TDRD6: variants seen among roughly 807,000 people sequenced by gnomAD.
TDRD6 encodes the protein tudor domain containing 6, also known as tudor domain-containing protein 6.
TDRD6 carries 186 observed loss-of-function variants against 157.5 expected under a neutral mutation model. The ratio of observed to expected loss-of-function variants is 1.18; its 90% confidence interval spans 1.05 to 1.33. The LOEUF (loss-of-function observed/expected upper bound fraction) is 1.33. TDRD6 is among the 40% of genes most tolerant of loss of function. TDRD6 has a pLI of 0.00. For synonymous variants in TDRD6, 1,075 were observed against 945.2 expected (o/e 1.14, Z -2.52); for missense variants, 3,066 against 2,508.0 (o/e 1.22, Z -4.75).
Position 46,689,211 on chromosome 6 carries a change from C to G in TDRD6, c.1083C>G (p.Tyr361Ter), listed in dbSNP as rs746377372. The change falls in exon 1 of 4, where the codon TAC (tyrosine) becomes TAG (stop). Residue 361 changes from tyrosine to a stop codon, truncating the protein, a stop_gained. Coordinates refer to ENST00000316081, the MANE Select transcript of TDRD6 (RefSeq NM_001010870.3). LOFTEE classifies it high-confidence loss of function. Reference protein sequence around the residue: ...KELVSCSSLRYLLPEYFRMPV... With the variant: ...KELVSCSSLR ...TAGTGAGTTGCAGCAGCCTTCGGTA[C>G]TTGCTGCCTGAATATTTTCGAATGC... is the stretch of plus-strand genomic sequence containing the variant. The G allele has an allele frequency of 1.9e-6, 3 of 1,614,192 alleles. No homozygotes were observed. Among genetic ancestry groups the G allele is most frequent in the Non-Finnish European group, 2.5e-6 (3 of 1,180,036 alleles).
In TDRD6 at chr6:46,692,365, G is replaced by A. The variant is rs969339641; in HGVS notation, c.4237G>A (p.Gly1413Arg). Residue 1413 changes from glycine (G) to arginine (R), a missense_variant, in exon 1 of 4, where the codon GGG becomes AGG. Physicochemically the swap from Gly to Arg is moderately radical, Grantham distance 125. Coordinates refer to ENST00000316081, the MANE Select transcript of TDRD6 (RefSeq NM_001010870.3). Reference protein sequence around the residue: ...RLDLVNAILPGLCIHCSLQGF... With the variant: ...RLDLVNAILPRLCIHCSLQGF... Reference sequence around the variant, plus strand: ...TGACCTTGTTAATGCAATATTGCCGGGGTTGTGCATTCATTGCTCCTTGCA... The same window carrying A: ...TGACCTTGTTAATGCAATATTGCCGAGGTTGTGCATTCATTGCTCCTTGCA... 1.2e-6 allele frequency: 2 copies of A among 1,613,976 alleles called. No homozygotes were observed. The highest frequency in any genetic ancestry group is 2.7e-5 in the African/African-American group (2 of 74,882).
In TDRD6 at chr6:46,688,260, G is replaced by C; in HGVS notation, c.132G>C (p.Leu44=). 6.6e-7 allele frequency: 1 copy of C among 1,511,296 alleles called. No homozygotes were observed. Among genetic ancestry groups the C allele is most frequent in the Non-Finnish European group, 8.8e-7 (1 of 1,137,280 alleles). 93.6% of individuals were successfully genotyped at this position (1,511,296 alleles called of 1,614,324 possible). The change falls in exon 1 of 4, where the codon CTG becomes CTC. Residue 44 remains leucine (L), a synonymous_variant. Transcript: ENST00000316081. ...GLVGERRGEY[L]RLSREIQEAA... ...TGGGCGAGCGGCGGGGCGAGTACCTGCGGCTGAGCCGGGAAATCCAGGAAG... is the reference window on the plus strand; with the variant it reads ...TGGGCGAGCGGCGGGGCGAGTACCTCCGGCTGAGCCGGGAAATCCAGGAAG...
At chr6:46,696,602 T>TATA (rs1442275184) in intron 2 of TDRD6, among the ~76,000 whole-genome samples, 3 of 13,628 alleles carry the variant, frequency 2.2e-4, no homozygotes, top group African/African-American at 2.8e-4. Flanking sequence ...TATATATATA[T>TATA]TTTTTTTTTT....
Position 46,690,954 on chromosome 6 carries a change from C to G in TDRD6, c.2826C>G (p.Thr942=), listed in dbSNP as rs746551549. Residue 942 remains threonine (T), a synonymous_variant, in exon 1 of 4, where the codon ACC becomes ACG. Coordinates refer to ENST00000316081, the MANE Select transcript of TDRD6 (RefSeq NM_001010870.3). ...TGTTTAACATTGTGGATTTGCTAAC[C>G]CCCTTTCAGAGTGCATGCCATTTCT... is the stretch of plus-strand genomic sequence containing the variant. The part of the protein sequence containing the change: ...EELFNIVDLL[T]PFQSACHFLV... The G allele has an allele frequency of 9.3e-6, 15 of 1,613,960 alleles. No individual in the cohort carries two copies. The African/African-American group carries it at 1.6e-4, about 17-fold the overall frequency.
Position 46,688,638 on chromosome 6 carries a change from C to T in TDRD6, c.510C>T (p.Val170=). The T allele has an allele frequency of 6.3e-7, 1 of 1,599,256 alleles. No homozygotes were observed. Among genetic ancestry groups the T allele is most frequent in the South Asian group, 1.1e-5 (1 of 91,084 alleles). ...NLQGKEVHGC[V]LDVLLLHRLV... is the part of the protein sequence containing the mutation. ...AGGGCAAGGAGGTGCACGGGTGCGT[C>T]CTGGACGTGCTGCTGCTCCATCGCC... Residue 170 remains valine (V), a synonymous_variant, in exon 1 of 4, where the codon GTC becomes GTT. Transcript: ENST00000316081.
rs747359606 is a variant in TDRD6, at chr6:46,690,651, A to G, written c.2523A>G (p.Ile841Met). The G allele has an allele frequency of 1.9e-6, 3 of 1,614,230 alleles. No homozygotes were observed. Among genetic ancestry groups the G allele is most frequent in the Non-Finnish European group, 2.5e-6 (3 of 1,180,030 alleles). ...GGTCCAGAGCACTTATTAGTGGGAT[A>G]CAGTCTGTGGAGCATGTCAATGTAA... ...RQWSRALISG[I>M]QSVEHVNVTF... The change falls in exon 1 of 4, where the codon ATA becomes ATG. Residue 841 changes from isoleucine to methionine, a missense_variant. Coordinates refer to ENST00000316081, the MANE Select transcript of TDRD6 (RefSeq NM_001010870.3).
In TDRD6 at chr6:46,688,134, C is replaced by G; in HGVS notation, c.6C>G (p.Cys2Trp). 3.3e-6 allele frequency: 5 copies of G among 1,534,952 alleles called. No individual in the cohort carries two copies. Among genetic ancestry groups the G allele is most frequent in the Non-Finnish European group, 4.4e-6 (5 of 1,147,636 alleles). The change falls in exon 1 of 4, where the codon TGC (cysteine) becomes TGG (tryptophan). Residue 2 changes from cysteine to tryptophan, a missense_variant. Coordinates refer to ENST00000316081, the MANE Select transcript of TDRD6 (RefSeq NM_001010870.3). ...GGCCGCGCCGCGCCGTCAAGATGTG[C>G]TCGACGCCCGGAATGCCGGCGCCGG... MCSTPGMPAPGA... is the reference protein window; with the variant it reads MWSTPGMPAPGA...
At chr6:46,686,382 G>A (rs1427525226), upstream of TDRD6, among the ~76,000 whole-genome samples, 24 of 150,898 alleles carry the variant, frequency 1.6e-4, no homozygotes, top group African/African-American at 5.8e-4. Flanking sequence ...GCTAGGCATC[G>A]AGAACATAAA....
At chr6:46,698,743 T>C (rs544775946) in intron 3 of TDRD6, among the ~76,000 whole-genome samples, 7 of 152,236 alleles carry the variant, frequency 4.6e-5, no homozygotes, top group Admixed American at 1.3e-4. Context: ...CAGCTTTTCT[T>C]GGTTCTTTGT....
intron 2 of TDRD6, 114 bp downstream of exon 2, chr6:46,696,059 C>T (rs1297188639): frequency 6.8e-6 from 8 of 1,181,564 alleles, no homozygotes; most frequent in Non-Finnish European, 9.5e-6. Flanking sequence ...CTTGCTTGTT[C>T]CCCCTGATAA....
rs1486163753 is a variant in TDRD6, at chr6:46,691,801, A to T, written c.3673A>T (p.Lys1225Ter). Residue 1225 changes from lysine to a stop codon, truncating the protein, a stop_gained, in exon 1 of 4, where the codon AAA (lysine) becomes TAA (stop). Coordinates refer to ENST00000316081, the MANE Select transcript of TDRD6 (RefSeq NM_001010870.3). LOFTEE classifies it high-confidence loss of function. ...PQINSSYKEL[K>*]LLQSLTKTNL... Reference sequence around the variant, plus strand: ...GATCAACTCATCATACAAGGAACTCAAACTTTTACAAAGTTTAACAAAAAC... The same window carrying T: ...GATCAACTCATCATACAAGGAACTCTAACTTTTACAAAGTTTAACAAAAAC... The T allele has an allele frequency of 1.2e-6, 2 of 1,601,214 alleles. No homozygotes were observed. Among genetic ancestry groups the T allele is most frequent in the Admixed American group, 3.6e-5 (2 of 55,964 alleles).
At position 46,702,474 on chromosome 6, in the gene TDRD6, A is replaced by C. The variant is rs1764648460; in HGVS notation, c.*587A>C. On this transcript the variant is annotated 3_prime_UTR_variant, in exon 4 of 4. Coordinates refer to ENST00000316081, the MANE Select transcript of TDRD6 (RefSeq NM_001010870.3). Reference sequence around the variant, plus strand: ...AAAAGGAAATAGAACTCTTAAATATACTTGGTTCCATCTCTCCTCTGTAAT... The same window carrying C: ...AAAAGGAAATAGAACTCTTAAATATCCTTGGTTCCATCTCTCCTCTGTAAT... 6.6e-6 allele frequency: 1 copy of C among 152,170 alleles called. No homozygotes were observed. The highest frequency in any genetic ancestry group is 1.5e-5 in the Non-Finnish European group (1 of 67,990). The allele number at this position is 152,170 out of a possible 1,614,324, so 9.4% of individuals were successfully genotyped here. A position where few individuals can be genotyped will look rare whatever the true frequency, so the allele number is the denominator to read the frequency against.
intron 2 of TDRD6, among the ~76,000 whole-genome samples, chr6:46,696,172 A>AT (rs1764490171): frequency 1.3e-5 from 2 of 151,884 alleles, no homozygotes; most frequent in African/African-American, 4.8e-5. Flanking sequence ...TCTAAATGCT[A>AT]TTAGTCACCT....
In TDRD6 at chr6:46,688,122, C is replaced by T. The variant is rs202198590; in HGVS notation, c.-7C>T. 3 of 1,505,374 alleles carry T rather than the reference C, an allele frequency of 2.0e-6. No individual in the cohort carries two copies. The highest frequency in any genetic ancestry group is 1.4e-5 in the African/African-American group (1 of 69,294). The allele number at this position is 1,505,374 out of a possible 1,614,324, so 93.3% of individuals were successfully genotyped here. ...TCCGGAAGTGGGGGCCGCGCCGCGC[C>T]GTCAAGATGTGCTCGACGCCCGGAA... On this transcript the variant is annotated 5_prime_UTR_variant, in exon 1 of 4. Coordinates refer to ENST00000316081, the MANE Select transcript of TDRD6 (RefSeq NM_001010870.3).
rs1562058395 is a variant in TDRD6, at chr6:46,693,579, C to T, written c.5451C>T (p.Asn1817=). ...ATAAATACCTGATTACAGGATTTAA[C>T]ACATTACTACCACATGCTAATGAAA... is the stretch of plus-strand genomic sequence containing the variant. The part of the protein sequence containing the change: ...FDDKYLITGF[N]TLLPHANETK... Residue 1817 remains asparagine (N), a synonymous_variant, in exon 1 of 4, where the codon AAC becomes AAT. Coordinates refer to ENST00000316081, the MANE Select transcript of TDRD6 (RefSeq NM_001010870.3). 6.2e-7 allele frequency: 1 copy of T among 1,614,120 alleles called. No individual in the cohort carries two copies. Among genetic ancestry groups the T allele is most frequent in the Non-Finnish European group, 8.5e-7 (1 of 1,180,010 alleles).
Position 46,690,634 on chromosome 6 carries a change from G to A in TDRD6, c.2506G>A (p.Ala836Thr). 6.2e-7 allele frequency: 1 copy of A among 1,614,214 alleles called. No individual in the cohort carries two copies. Among genetic ancestry groups the A allele is most frequent in the Non-Finnish European group, 8.5e-7 (1 of 1,180,042 alleles). ...KRTVNRQWSR[A>T]LISGIQSVEH... ...AACAGTAAACAGACAGTGGTCCAGAGCACTTATTAGTGGGATACAGTCTGT... is the reference window on the plus strand; with the variant it reads ...AACAGTAAACAGACAGTGGTCCAGAACACTTATTAGTGGGATACAGTCTGT... The change falls in exon 1 of 4, where the codon GCA becomes ACA. Residue 836 changes from alanine to threonine, a missense_variant. Transcript: ENST00000316081.
chr6:46,688,392 C>A lies in TDRD6; in HGVS notation c.264C>A (p.Ser88Arg). 1 of 1,536,646 alleles carries A rather than the reference C, an allele frequency of 6.5e-7. No individual in the cohort carries two copies. Among genetic ancestry groups the A allele is most frequent in the Non-Finnish European group, 8.7e-7 (1 of 1,145,174 alleles). Residue 88 changes from serine (S) to arginine (R), a missense_variant, in exon 1 of 4, where the codon AGC becomes AGA. Transcript: ENST00000316081. Reference protein sequence around the residue: ...GLLWHRCRVVSRQAQESRVFL... With the variant: ...GLLWHRCRVVRRQAQESRVFL... ...TGTGGCACCGCTGCCGCGTGGTCAGCCGGCAGGCACAGGAGAGCCGTGTCT... is the reference window on the plus strand; with the variant it reads ...TGTGGCACCGCTGCCGCGTGGTCAGACGGCAGGCACAGGAGAGCCGTGTCT...
In TDRD6 at chr6:46,693,084, C is replaced by CCTCT; in HGVS notation, c.4956_4957insCTCT (p.Tyr1653LeufsTer5). ...GATTATGTTCTCAAGAGGGAAATGA[C>CCTCT]TATTTCTATGAAATAATAACAGAAG... On this transcript the variant is annotated frameshift_variant, in exon 1 of 4. Coordinates refer to ENST00000316081, the MANE Select transcript of TDRD6 (RefSeq NM_001010870.3). LOFTEE classifies it high-confidence loss of function. 1 of 1,613,774 alleles carries CCTCT rather than the reference C, an allele frequency of 6.2e-7. No individual in the cohort carries two copies.
chr6:46,681,650 A>T, the TDRD6 span: 1 of 457,404 alleles, frequency 2.2e-6, no homozygotes, highest in South Asian at 1.6e-5. Context: ...GTGAGTAAAT[A>T]AACTGTGTTA....
Sources: allele counts gnomAD v4.1 joint callset (sites outside exome capture counted in the v4.1 genomes callset), GRCh38; gene constraint gnomAD v4.1.1; transcripts MANE v1.5; gene names NCBI Gene and HGNC (gene_info 2026-07-23, HGNC 2026-07-21).